The following POLR2D variants were observed in gnomAD, a reference collection of about 807,000 sequenced individuals.
POLR2D encodes the protein DNA-directed RNA polymerase II subunit RPB4.
In POLR2D, 10 loss-of-function variants were observed where a neutral mutation model predicts 17.6. The observed-to-expected ratio is 0.57, with a 90% CI of 0.35 to 0.96. The LOEUF (loss-of-function observed/expected upper bound fraction) is 0.96. Ranked by LOEUF, POLR2D falls within the 40% of genes least tolerant of loss-of-function variation. The pLI is 0.02. For missense variants in POLR2D, 126 were observed against 176.4 expected, an observed-to-expected ratio of 0.71 and a Z score of 1.62; for synonymous variants, 52 against 60.2, an observed-to-expected ratio of 0.86 and a Z score of 0.63.
intron 3 of POLR2D, among the ~76,000 whole-genome samples, chr2:127,849,647 G>C (rs1204718623): frequency 7.1e-6 from 1 of 141,726 alleles, no homozygotes; most frequent in Non-Finnish European, 1.5e-5. Flanking sequence ...CTAGTTCATT[G>C]ATTTTTTTTT....
intron 3 of POLR2D, among the ~76,000 whole-genome samples, chr2:127,849,584 G>C (rs1178406946): frequency 1.3e-5 from 2 of 151,938 alleles, no homozygotes; most frequent in African/African-American, 4.8e-5. Flanking sequence ...TTATCCTTCT[G>C]CAATTTTTTT....
At chr2:127,854,450 C>A (rs1045098469) in intron 1 of POLR2D, among the ~76,000 whole-genome samples, 2 of 152,072 alleles carry the variant, frequency 1.3e-5, no homozygotes, top group South Asian at 2.1e-4. Flanking sequence ...GAGGAAAAGC[C>A]AAAACGACTT....
intron 1 of POLR2D, 84 bp from the exon 2 acceptor site, chr2:127,853,189 C>A (rs1454989953): frequency 1.8e-6 from 2 of 1,091,586 alleles, no homozygotes; most frequent in East Asian, 4.7e-5. Context: ...TTGAACATTT[C>A]TCTGCCCCTG....
intron 1 of POLR2D, among the ~76,000 whole-genome samples, chr2:127,853,344 A>C (rs1427748927): frequency 6.6e-6 from 1 of 152,196 alleles, no homozygotes; most frequent in Non-Finnish European, 1.5e-5. Flanking sequence ...CCAAGTGATA[A>C]GCATAGTACT....
chr2:127,853,250 T>C (rs1573520082), intron 1 of POLR2D, 145 bp from the exon 2 acceptor site: 10 of 661,388 alleles, frequency 1.5e-5, no homozygotes, highest in Non-Finnish European at 2.3e-5. Flanking sequence ...TGAACTTTTA[T>C]TTTAGGTTCA....
At chr2:127,857,949 T>C (rs1353511414) in intron 1 of POLR2D, 79 bp downstream of exon 1, 3 of 1,532,138 alleles carry the variant, frequency 2.0e-6, no homozygotes, top group Non-Finnish European at 2.6e-6. Context: ...GGCAGGGCCT[T>C]GGGCGAAGCG....
At position 127,846,250 on chromosome 2, in the gene POLR2D, A is replaced by AAAAT. The variant is rs1204768551; in HGVS notation, c.*1853_*1856dup. The AAAAT allele has an allele frequency of 1.3e-5, 2 of 151,026 alleles. No individual in the cohort carries two copies. Among genetic ancestry groups the AAAAT allele is most frequent in the African/African-American group, 2.5e-5 (1 of 40,308 alleles). The allele number at this position is 151,026 out of a possible 1,614,324, so 9.4% of individuals were successfully genotyped here. On this transcript the variant is annotated 3_prime_UTR_variant, in exon 4 of 4. Transcript: ENST00000272645. ...GCAACACAGCCAGACTCTATCTCAAAAAATAAATAAATAAATAAAAATAAG... is the reference window on the plus strand; with the variant it reads ...GCAACACAGCCAGACTCTATCTCAAAAAATAAATAAATAAATAAATAAAAATAAG...
At chr2:127,855,394 C>CAAAA (rs747725989) in intron 1 of POLR2D, among the ~76,000 whole-genome samples, 37 of 51,156 alleles carry the variant, frequency 7.2e-4, no homozygotes, top group Middle Eastern at 0.01. Flanking sequence ...AACTCCGTCT[C>CAAAA]AAAAAAAAAA....
chr2:127,845,968 A>C lies in POLR2D; in HGVS notation c.*2139T>G, dbSNP rs966980206. On this transcript the variant is annotated 3_prime_UTR_variant, in exon 4 of 4. Coordinates refer to ENST00000272645, the MANE Select transcript of POLR2D (RefSeq NM_004805.4). ...CTCAAAGAAGCGAAGTTGCTCAAGG[A>C]TAAAAAGATTGGCCGGTGGCTCACG... 1 of 152,234 alleles carries C rather than the reference A, an allele frequency of 6.6e-6. No individual in the cohort carries two copies. Among genetic ancestry groups the C allele is most frequent in the East Asian group, 1.9e-4 (1 of 5,196 alleles). 9.4% of individuals were successfully genotyped at this position (152,234 alleles called of 1,614,324 possible). A position where few individuals can be genotyped will look rare whatever the true frequency, so the allele number is the denominator to read the frequency against.
chr2:127,853,959 G>A (rs1398213350), intron 1 of POLR2D, among the ~76,000 whole-genome samples: 1 of 152,150 alleles, frequency 6.6e-6, no homozygotes, highest in African/African-American at 2.4e-5. Flanking sequence ...ACATAGACTA[G>A]TTACTGATTT....
Position 127,844,155 on chromosome 2 carries a change from A to T in POLR2D, c.*3952T>A, listed in dbSNP as rs539674225. On this transcript the variant is annotated 3_prime_UTR_variant, in exon 4 of 4. Transcript: ENST00000272645. ...TGGTCCTTCCATCCCTTCTACCATAAGGAGTGTTCATTCCCTATGGAAGAT... is the reference window on the plus strand; with the variant it reads ...TGGTCCTTCCATCCCTTCTACCATATGGAGTGTTCATTCCCTATGGAAGAT... 3 of 144,390 alleles carry T rather than the reference A, an allele frequency of 2.1e-5. No individual in the cohort carries two copies. In the East Asian group the frequency reaches 6.1e-4, roughly 29 times the overall value. 8.9% of individuals were successfully genotyped at this position (144,390 alleles called of 1,614,324 possible).
In POLR2D at chr2:127,858,133, C is replaced by T. The variant is rs1690374627; in HGVS notation, c.-33G>A. 1.4e-6 allele frequency: 2 copies of T among 1,422,360 alleles called. No individual in the cohort carries two copies. Among genetic ancestry groups the T allele is most frequent in the African/African-American group, 3.0e-5 (2 of 66,540 alleles). 88.1% of individuals were successfully genotyped at this position (1,422,360 alleles called of 1,614,324 possible). A position where few individuals can be genotyped will look rare whatever the true frequency, so the allele number is the denominator to read the frequency against. ...CCGCGCCGCGCGCCACCACCAGCGC[C>T]GCCGGAAGCAGAAGCGCGGAGCAAC... On this transcript the variant is annotated 5_prime_UTR_variant, in exon 1 of 4. Coordinates refer to ENST00000272645, the MANE Select transcript of POLR2D (RefSeq NM_004805.4).
In POLR2D at chr2:127,849,784, T is replaced by C. The variant is rs118019169; in HGVS notation, c.350+806A>G. On this transcript the variant is annotated intron_variant, in intron 3 of 3. Transcript: ENST00000272645. ...GCATGAGGCTGGGCACCGCGGCTCA[T>C]GCCTGTAATCCCAGCACTTGTGAGG... Among the ~76,000 whole-genome samples, 183 of 152,246 alleles carry C rather than the reference T, an allele frequency of 1.2e-3. 2 individuals are homozygous for C. The Middle Eastern group carries it at 0.027, about 23-fold the overall frequency.
rs1440249402 is a variant in POLR2D at position 127,846,991 on chromosome 2, A to C, written c.*1116T>G. On this transcript the variant is annotated 3_prime_UTR_variant, in exon 4 of 4. Coordinates refer to ENST00000272645, the MANE Select transcript of POLR2D (RefSeq NM_004805.4). ...TTAGTAGCCTTGTCATTGGGCACAC[A>C]ACAACCACAGTTCATACAGCAAATG... is the stretch of plus-strand genomic sequence containing the variant. 2.0e-5 allele frequency: 3 copies of C among 152,700 alleles called. No homozygotes were observed. Among genetic ancestry groups the C allele is most frequent in the Non-Finnish European group, 4.4e-5 (3 of 68,090 alleles). The allele number at this position is 152,700 out of a possible 1,614,324, so 9.5% of individuals were successfully genotyped here.
chr2:127,844,107 C>CAAAAATAAAAAA lies in POLR2D; in HGVS notation c.*3999_*4000insTTTTTTATTTTT, dbSNP rs1690111397. The CAAAAATAAAAAA allele has an allele frequency of 1.4e-5, 1 of 69,478 alleles. No homozygotes were observed. Among genetic ancestry groups the CAAAAATAAAAAA allele is most frequent in the Non-Finnish European group, 2.6e-5 (1 of 38,374 alleles). 4.3% of individuals were successfully genotyped at this position (69,478 alleles called of 1,614,324 possible). On this transcript the variant is annotated 3_prime_UTR_variant, in exon 4 of 4. Transcript: ENST00000272645. ...CGACAGAGCAAGATCCTGCTGTATC[C>CAAAAATAAAAAA]AAAAAAAAAAAAAAAAAAAGCCTGG...
At position 127,858,153 on chromosome 2, in the gene POLR2D, A is replaced by G. The variant is rs1290112985; in HGVS notation, c.-53T>C. On this transcript the variant is annotated 5_prime_UTR_variant, in exon 1 of 4. Coordinates refer to ENST00000272645, the MANE Select transcript of POLR2D (RefSeq NM_004805.4). ...AGCGCCGCCGGAAGCAGAAGCGCGGAGCAACGGCCGCGGAAGGGGCGTGGT... is the reference window on the plus strand; with the variant it reads ...AGCGCCGCCGGAAGCAGAAGCGCGGGGCAACGGCCGCGGAAGGGGCGTGGT... The G allele has an allele frequency of 1.6e-5, 21 of 1,336,842 alleles. No individual in the cohort carries two copies. Among genetic ancestry groups the G allele is most frequent in the Admixed American group, 3.8e-5 (1 of 26,536 alleles). 82.8% of individuals were successfully genotyped at this position (1,336,842 alleles called of 1,614,324 possible).
At chr2:127,849,541 T>C (rs1350489871) in intron 3 of POLR2D, among the ~76,000 whole-genome samples, 1 of 152,258 alleles carries the variant, frequency 6.6e-6, no homozygotes, top group African/African-American at 2.4e-5. Context: ...CAGCATAGTT[T>C]CAAACTTTAT....
chr2:127,850,311 G>A (rs1396390135), intron 3 of POLR2D, among the ~76,000 whole-genome samples: 5 of 151,520 alleles, frequency 3.3e-5, no homozygotes, highest in Admixed American at 2.6e-4. Flanking sequence ...GTGGTGGTGC[G>A]TGCCTGTAAT....
chr2:127,858,058 C>T lies in POLR2D; in HGVS notation c.43G>A (p.Glu15Lys). The part of the protein sequence containing the change: ...GSDPRAGDVE[E>K]DASQLIFPKE... Reference sequence around the variant, plus strand: ...GGAAAGATGAGCTGTGAGGCGTCCTCCTCTACGTCGCCAGCCCGCGGATCG... The same window carrying T: ...GGAAAGATGAGCTGTGAGGCGTCCTTCTCTACGTCGCCAGCCCGCGGATCG... Residue 15 changes from glutamate to lysine, a missense_variant, in exon 1 of 4, where the codon GAG becomes AAG. This residue lies in a region of POLR2D where 41 missense variants were observed against 24.9 expected (regional missense o/e 1.64). Coordinates refer to ENST00000272645, the MANE Select transcript of POLR2D (RefSeq NM_004805.4). 6.4e-7 allele frequency: 1 copy of T among 1,561,906 alleles called. No homozygotes were observed. The highest frequency in any genetic ancestry group is 8.6e-7 in the Non-Finnish European group (1 of 1,157,840).
Sources: allele counts gnomAD v4.1 joint callset (sites outside exome capture counted in the v4.1 genomes callset), GRCh38; gene constraint gnomAD v4.1.1; regional missense constraint gnomAD v4.1.1; transcripts MANE v1.5; gene names NCBI Gene and HGNC (gene_info 2026-07-23, HGNC 2026-07-21).